Variants in DPP10 observed in about 807,000 individuals in gnomAD.
DPP10 encodes the protein inactive dipeptidyl peptidase 10.
A neutral mutation model predicts 120.9 loss-of-function variants in DPP10; 33 were observed. That is an observed-to-expected ratio of 0.27 (90% CI 0.21 to 0.37). The LOEUF is 0.37. Among genes scored for constraint, DPP10 ranks in the 10% least tolerant of loss-of-function variants. The probability of loss-of-function intolerance (pLI) is 1.00; values close to 1 mark genes in which losing one functional copy is unlikely to be tolerated. For missense variants in DPP10, 816 were observed against 942.8 expected (o/e 0.87, Z 1.76); for synonymous variants, 337 against 326.1 (o/e 1.03, Z -0.36).
At chr2:115,240,381 G>A (rs945888055) in intron 1 of DPP10, among the ~76,000 whole-genome samples, 1 of 152,094 alleles carries the variant, frequency 6.6e-6, no homozygotes, top group African/African-American at 2.4e-5. Context: ...TCATATGTTT[G>A]TTGACCGCAT....
chr2:115,358,185 C>A (rs1403448256), intron 3 of DPP10, among the ~76,000 whole-genome samples: 3 of 152,124 alleles, frequency 2.0e-5, no homozygotes, highest in African/African-American at 7.2e-5. Flanking sequence ...TCTATCATAT[C>A]ATCAGGCTAC....
chr2:114,528,275 A>T (rs1685671318), intron 1 of DPP10, among the ~76,000 whole-genome samples: 1 of 152,182 alleles, frequency 6.6e-6, no homozygotes, highest in Non-Finnish European at 1.5e-5. Flanking sequence ...GGACTATCAT[A>T]GTCAATGGAA....
intron 1 of DPP10, among the ~76,000 whole-genome samples, chr2:115,058,712 T>C (rs949050402): frequency 6.6e-6 from 1 of 151,988 alleles, no homozygotes; most frequent in Non-Finnish European, 1.5e-5. Flanking sequence ...CTTTGTCTTA[T>C]TTTTGCAGCC....
intron 1 of DPP10, among the ~76,000 whole-genome samples, chr2:115,251,419 T>C (rs1226174816): frequency 6.6e-6 from 1 of 152,178 alleles, no homozygotes; most frequent in East Asian, 1.9e-4. Context: ...TGCTGATCTG[T>C]AAATTCAGTC....
chr2:114,608,204 A>G (rs140823812), intron 1 of DPP10, among the ~76,000 whole-genome samples: 1 of 152,326 alleles, frequency 6.6e-6, no homozygotes, highest in African/African-American at 2.4e-5. Context: ...GAGCAGACAA[A>G]TACGCAGGAA....
At chr2:114,715,468 C>G (rs1379306368) in intron 1 of DPP10, among the ~76,000 whole-genome samples, 2 of 151,928 alleles carry the variant, frequency 1.3e-5, no homozygotes, top group African/African-American at 4.8e-5. Flanking sequence ...GTTGAAATAA[C>G]TTTGAATGTC....
At chr2:114,468,735 GCAGATTTACC>G (rs1254150802) in intron 1 of DPP10, among the ~76,000 whole-genome samples, 1 of 152,150 alleles carries the variant, frequency 6.6e-6, no homozygotes, top group African/African-American at 2.4e-5. Context: ...CGAAAGAAAA[GCAGATTTACC>G]CAGAAGAGGA....
intron 1 of DPP10, among the ~76,000 whole-genome samples, chr2:114,998,500 T>G (rs1233264482): frequency 6.6e-6 from 1 of 152,182 alleles, no homozygotes; most frequent in African/African-American, 2.4e-5. Context: ...GATACAGTCA[T>G]AGTGGGCAGC....
intron 5 of DPP10, among the ~76,000 whole-genome samples, chr2:115,681,127 A>C (rs922228387): frequency 6.6e-6 from 1 of 151,908 alleles, no homozygotes; most frequent in African/African-American, 2.4e-5. Context: ...AAATTGTTTT[A>C]GCCGTAGTAA....
chr2:115,270,939 T>C (rs2059674993), intron 1 of DPP10, among the ~76,000 whole-genome samples: 1 of 152,240 alleles, frequency 6.6e-6, no homozygotes, highest in African/African-American at 2.4e-5. Context: ...GGTATTCATT[T>C]TTTTATTCCA....
chr2:114,581,869 G>A (rs1690552897), intron 1 of DPP10, among the ~76,000 whole-genome samples: 1 of 152,144 alleles, frequency 6.6e-6, no homozygotes, highest in African/African-American at 2.4e-5. Flanking sequence ...GCATATATCT[G>A]CCACATCCTT....
At chr2:115,407,289 G>A (rs1198182396) in intron 3 of DPP10, among the ~76,000 whole-genome samples, 4 of 152,178 alleles carry the variant, frequency 2.6e-5, no homozygotes, top group African/African-American at 4.8e-5. Context: ...AGCCTCAGGC[G>A]GGGTTTTGCC....
intron 1 of DPP10, among the ~76,000 whole-genome samples, chr2:115,061,304 T>C (rs890305908): frequency 2.0e-5 from 3 of 152,290 alleles, no homozygotes; most frequent in Middle Eastern, 3.4e-3. Flanking sequence ...AATTCATAGA[T>C]AGAGATGAAA....
At chr2:115,626,402 T>C (rs1208410257) in intron 5 of DPP10, among the ~76,000 whole-genome samples, 3 of 152,096 alleles carry the variant, frequency 2.0e-5, no homozygotes, top group Non-Finnish European at 4.4e-5. Context: ...AGATTATAAA[T>C]TCAGGTAACA....
intron 1 of DPP10, among the ~76,000 whole-genome samples, chr2:115,101,402 T>C (rs975632208): frequency 6.6e-6 from 1 of 152,186 alleles, no homozygotes; most frequent in Non-Finnish European, 1.5e-5. Context: ...GGTGGCATGA[T>C]CTTGGACCAG....
chr2:115,819,908 C>T (rs557470082), intron 21 of DPP10, among the ~76,000 whole-genome samples: 17 of 152,282 alleles, frequency 1.1e-4, no homozygotes, highest in African/African-American at 4.1e-4. Context: ...GCAGGAGAAT[C>T]GCTTGAACCC....
chr2:115,511,555 A>G (rs1267504647), intron 4 of DPP10, among the ~76,000 whole-genome samples: 1 of 151,464 alleles, frequency 6.6e-6, no homozygotes, highest in South Asian at 2.1e-4. Flanking sequence ...TTTTTAGCCT[A>G]GATGTAACTT....
intron 1 of DPP10, among the ~76,000 whole-genome samples, chr2:115,224,607 A>G (rs968354280): frequency 1.3e-5 from 2 of 152,190 alleles, no homozygotes; most frequent in Non-Finnish European, 2.9e-5. Flanking sequence ...ATTGTACAAC[A>G]TGGTGATTGT....
chr2:114,632,899 A>G (rs1695040051), intron 1 of DPP10, among the ~76,000 whole-genome samples: 2 of 152,100 alleles, frequency 1.3e-5, no homozygotes, highest in South Asian at 4.1e-4. Context: ...TTGACAAGGA[A>G]TGTTCCTTCA....
Sources: allele counts gnomAD v4.1 joint callset (sites outside exome capture counted in the v4.1 genomes callset), GRCh38; gene constraint gnomAD v4.1.1; transcripts MANE v1.5; gene names NCBI Gene and HGNC (gene_info 2026-07-23, HGNC 2026-07-21).